MDN1: variants seen among roughly 807,000 people sequenced by gnomAD.
The protein encoded by MDN1 is midasin.
MDN1 carries 266 observed loss-of-function variants against 669.2 expected under a neutral mutation model. That is an observed-to-expected ratio of 0.40 (90% CI 0.36 to 0.44). The LOEUF is 0.44. Among genes scored for constraint, MDN1 ranks in the 20% least tolerant of loss-of-function variants. The probability of loss-of-function intolerance (pLI) is 1.00; values close to 1 mark genes in which losing one functional copy is unlikely to be tolerated. For missense variants in MDN1, 5,940 were observed against 6,754.0 expected (o/e 0.88, Z 4.22); for synonymous variants, 2,385 against 2,457.1 (o/e 0.97, Z 0.87).
intron 22 of MDN1, among the ~76,000 whole-genome samples, chr6:89,752,693 A>G (rs536629328): frequency 6.6e-6 from 1 of 152,324 alleles, no homozygotes; most frequent in South Asian, 2.1e-4. Flanking sequence ...TGTGTAGTTA[A>G]ACTATGCAAA....
At chr6:89,774,420 T>C (rs1404154917) in intron 13 of MDN1, among the ~76,000 whole-genome samples, 1 of 152,252 alleles carries the variant, frequency 6.6e-6, no homozygotes, top group African/African-American at 2.4e-5. Context: ...AAATCTTTAA[T>C]GACTTTCATC....
rs554040598 is a variant in MDN1, at chr6:89,711,042, T to G, written c.7652-248A>C. ...ATAGGACAATACAGATAAAAATATT[T>G]ATAAAAATTCTCTACATATATTTAG... On this transcript the variant is annotated intron_variant, in intron 49 of 101. Transcript: ENST00000369393. 3.9e-5 allele frequency among the ~76,000 whole-genome samples: 6 copies of G among 152,330 alleles called. No individual in the cohort carries two copies. In the South Asian group the frequency reaches 1.0e-3, roughly 26 times the overall value.
chr6:89,684,894 G>C lies in MDN1; in HGVS notation c.11811C>G (p.Pro3937=), dbSNP rs202099544. The C allele has an allele frequency of 2.4e-4, 378 of 1,605,360 alleles. 2 individuals carry two copies. In the South Asian group the frequency reaches 3.5e-3, roughly 15 times the overall value. ...ATCTTACTTTAAGTTCTTTTTCTAGGGGGGAACGAAGTTCCACAATTTTGG... is the reference window on the plus strand; with the variant it reads ...ATCTTACTTTAAGTTCTTTTTCTAGCGGGGAACGAAGTTCCACAATTTTGG... ...VQAKIVELRS[P]LEKELKEFVK... The change falls in exon 71 of 102, where the codon CCC becomes CCG. Residue 3937 remains proline, a synonymous_variant. Transcript: ENST00000369393.
chr6:89,668,581 T>TA (rs746907684), intron 83 of MDN1, among the ~76,000 whole-genome samples: 43 of 152,228 alleles, frequency 2.8e-4, no homozygotes, highest in Non-Finnish European at 5.4e-4. Flanking sequence ...AGAAGAATAC[T>TA]AGCCTGCTGA....
chr6:89,803,701 C>A (rs2128329331), intron 1 of MDN1, 147 bp from the exon 2 acceptor site: 2 of 633,094 alleles, frequency 3.2e-6, no homozygotes, highest in South Asian at 4.0e-5. Flanking sequence ...CCTGCCCGAG[C>A]CGCCCAAGTA....
intron 50 of MDN1, among the ~76,000 whole-genome samples, chr6:89,710,021 C>T (rs890915741): frequency 1.8e-4 from 28 of 152,180 alleles, no homozygotes; most frequent in Admixed American, 1.3e-3. Flanking sequence ...CTCTCTCAAC[C>T]TCCCAGGTAG....
chr6:89,802,097 G>A (rs986952755), intron 2 of MDN1, among the ~76,000 whole-genome samples: 1 of 152,206 alleles, frequency 6.6e-6, no homozygotes, highest in Non-Finnish European at 1.5e-5. Context: ...GAAAAAACTG[G>A]ATAATTTTTT....
At chr6:89,754,254 C>T (rs199749732) in intron 20 of MDN1, 24 bp from the exon 21 acceptor site, 8 of 1,603,460 alleles carry the variant, frequency 5.0e-6, no homozygotes, top group African/African-American at 1.3e-5. Flanking sequence ...AAAGGTCAGG[C>T]AATTTTATTT....
At chr6:89,728,657 C>G (rs1326418565) in intron 36 of MDN1, among the ~76,000 whole-genome samples, 2 of 152,088 alleles carry the variant, frequency 1.3e-5, no homozygotes, top group Admixed American at 6.6e-5. Context: ...ATGGTGAAAC[C>G]CTGTCTCTAA....
In MDN1 at chr6:89,711,439, A is replaced by G. The variant is rs566119665; in HGVS notation, c.7651+597T>C. On this transcript the variant is annotated intron_variant, in intron 49 of 101. Coordinates refer to ENST00000369393, the MANE Select transcript of MDN1 (RefSeq NM_014611.3). ...TAGCATTTACATTGTATTAGGTATTATAAGTAATCCAGAGATGATTTAATG... is the reference window on the plus strand; with the variant it reads ...TAGCATTTACATTGTATTAGGTATTGTAAGTAATCCAGAGATGATTTAATG... Among the ~76,000 whole-genome samples the G allele has an allele frequency of 1.2e-3, 180 of 152,380 alleles. 2 individuals carry two copies. The highest frequency in any genetic ancestry group is 1.5e-3 in the Non-Finnish European group (105 of 68,040).
chr6:89,732,542 T>A lies in MDN1; in HGVS notation c.4942+15A>T. The A allele has an allele frequency of 6.2e-7, 1 of 1,612,498 alleles. No homozygotes were observed. On this transcript the variant is annotated intron_variant, in intron 34 of 101. Coordinates refer to ENST00000369393, the MANE Select transcript of MDN1 (RefSeq NM_014611.3). ...ATACGAGCCCCTTGTCCCCACCAGCTACCAGACAACATACCTGAACCTATT... is the reference window on the plus strand; with the variant it reads ...ATACGAGCCCCTTGTCCCCACCAGCAACCAGACAACATACCTGAACCTATT...
At chr6:89,644,306 C>CA in intron 101 of MDN1, 113 bp from the exon 102 acceptor site, 1 of 790,566 alleles carries the variant, frequency 1.3e-6, no homozygotes, top group Non-Finnish European at 1.9e-6. Flanking sequence ...CTTATTCCTG[C>CA]ATATGAACCT....
chr6:89,777,111 T>C (rs1394039701), intron 11 of MDN1, among the ~76,000 whole-genome samples: 1 of 152,216 alleles, frequency 6.6e-6, no homozygotes, highest in Non-Finnish European at 1.5e-5. Context: ...ATGGTCATTA[T>C]CTTAACCTAG....
chr6:89,770,503 C>T (rs1428433201), intron 15 of MDN1, among the ~76,000 whole-genome samples: 2 of 151,920 alleles, frequency 1.3e-5, no homozygotes, highest in Non-Finnish European at 2.9e-5. Context: ...TGCCAAGTTC[C>T]TCAAACAACC....
intron 8 of MDN1, among the ~76,000 whole-genome samples, chr6:89,787,552 T>A (rs1819030243): frequency 6.6e-6 from 1 of 152,166 alleles, no homozygotes; most frequent in Non-Finnish European, 1.5e-5. Context: ...TAAGTAGCAG[T>A]GTCAGGACTC....
intron 46 of MDN1, among the ~76,000 whole-genome samples, chr6:89,713,510 G>A (rs1432614239): frequency 6.6e-6 from 1 of 152,104 alleles, no homozygotes; most frequent in Non-Finnish European, 1.5e-5. Context: ...CTCTATGGCT[G>A]TCTGTAGTTT....
At chr6:89,731,795 A>ACCG (rs1815613068) in intron 34 of MDN1, among the ~76,000 whole-genome samples, 1 of 60,922 alleles carries the variant, frequency 1.6e-5, no homozygotes, top group Non-Finnish European at 2.8e-5. Flanking sequence ...AATTCATAGT[A>ACCG]CCGCCCCCCC....
intron 1 of MDN1, among the ~76,000 whole-genome samples, 179 bp downstream of exon 1, chr6:89,819,327 C>A (rs1769096328): frequency 6.6e-6 from 1 of 152,174 alleles, no homozygotes; most frequent in African/African-American, 2.4e-5. Context: ...TCCTTCCAAT[C>A]GCCTCAAACA....
At chr6:89,780,815 ATTTT>A (rs67350721) in intron 10 of MDN1, among the ~76,000 whole-genome samples, 4 of 145,168 alleles carry the variant, frequency 2.8e-5, no homozygotes, top group Admixed American at 1.4e-4. Context: ...TAATTTTTGT[ATTTT>A]TTTTTTTTTT....
Sources: gnomAD v4.1 joint callset for allele counts (sites outside exome capture counted in the v4.1 genomes callset) on GRCh38, gnomAD v4.1.1 for gene constraint, MANE v1.5 for transcripts, NCBI Gene and HGNC (gene_info 2026-07-23, HGNC 2026-07-21) for gene names.